The following ANGPT1 variants were observed in gnomAD, a reference collection of about 807,000 sequenced individuals.
ANGPT1 encodes the protein angiopoietin 1.
ANGPT1 carries 17 observed loss-of-function variants against 62.2 expected under a neutral mutation model. That is an observed-to-expected ratio of 0.27 (90% CI 0.19 to 0.41). The LOEUF (loss-of-function observed/expected upper bound fraction) is 0.41, where lower values mean the gene tolerates loss of function less well. ANGPT1 is among the 10% of genes least tolerant of loss of function. ANGPT1 has a pLI of 1.00. For synonymous variants in ANGPT1, 199 were observed against 198.9 expected, an observed-to-expected ratio of 1.00 and a Z score of 0.00; for missense variants, 478 against 594.9, an observed-to-expected ratio of 0.80 and a Z score of 2.04.
intron 4 of ANGPT1, among the ~76,000 whole-genome samples, chr8:107,312,053 G>C (rs1814881938): frequency 7.6e-6 from 1 of 130,800 alleles, no homozygotes; most frequent in Non-Finnish European, 1.5e-5. Flanking sequence ...GACAGAGCGA[G>C]ACTCCGTTTC....
chr8:107,307,965 GT>G (rs1364016757), intron 4 of ANGPT1, among the ~76,000 whole-genome samples: 3 of 151,994 alleles, frequency 2.0e-5, no homozygotes, highest in Non-Finnish European at 4.4e-5. Context: ...TCCTTCTCCA[GT>G]TTTTATCAGT....
intron 1 of ANGPT1, among the ~76,000 whole-genome samples, chr8:107,474,506 T>G (rs1289356526): frequency 1.3e-5 from 2 of 152,108 alleles, no homozygotes; most frequent in African/African-American, 2.4e-5. Context: ...CTGGAAGCAT[T>G]CCCTTTGAAA....
rs141422804 is a variant in ANGPT1, at chr8:107,354,385, T to A, written c.298-7288A>T. Among the ~76,000 whole-genome samples the A allele has an allele frequency of 6.6e-5, 10 of 152,308 alleles. No homozygotes were observed. The East Asian group carries it at 1.7e-3, about 26-fold the overall frequency. On this transcript the variant is annotated intron_variant, in intron 1 of 8. Coordinates refer to ENST00000517746, the MANE Select transcript of ANGPT1 (RefSeq NM_001146.5). Reference sequence around the variant, plus strand: ...TTTAATCCAGGTACTATCATTGATATACTCCATGAATTTGGAGAAATCACT... The same window carrying A: ...TTTAATCCAGGTACTATCATTGATAAACTCCATGAATTTGGAGAAATCACT...
At position 107,322,068 on chromosome 8, in the gene ANGPT1, T is replaced by A. The variant is rs775350942; in HGVS notation, c.636A>T (p.Leu212Phe). ...EGKHKEELDT[L>F]KEEKENLQGL... ...CTTGAAGGTTCTCTTTCTCTTCCTT[T>A]AAGGTGTCCAACTCTTCCTTGTGTT... Residue 212 changes from leucine (L) to phenylalanine (F), a missense_variant, in exon 4 of 9, where the codon TTA (leucine) becomes TTT (phenylalanine). Around this residue, in one of 4 missense-constraint regions of ANGPT1, gnomAD observed 343 missense variants for 355.4 expected, o/e 0.97. Transcript: ENST00000517746. 1 of 1,614,016 alleles carries A rather than the reference T, an allele frequency of 6.2e-7. No homozygotes were observed. The highest frequency in any genetic ancestry group is 8.5e-7 in the Non-Finnish European group (1 of 1,179,928).
At chr8:107,330,811 G>T (rs1193650442) in intron 3 of ANGPT1, among the ~76,000 whole-genome samples, 1 of 152,050 alleles carries the variant, frequency 6.6e-6, no homozygotes, top group African/African-American at 2.4e-5. Flanking sequence ...GAAGAATTAA[G>T]ATGAGCCTTA....
intron 4 of ANGPT1, among the ~76,000 whole-genome samples, chr8:107,319,274 G>C (rs779678623): frequency 1.3e-5 from 2 of 152,112 alleles, no homozygotes; most frequent in Non-Finnish European, 2.9e-5. Flanking sequence ...GACAGGGGAA[G>C]CTCATTAACA....
rs531490914 is a variant in ANGPT1, at chr8:107,313,877, C to A, written c.808+8019G>T. On this transcript the variant is annotated intron_variant, in intron 4 of 8. Transcript: ENST00000517746. ...TCCCCAGATTTTACCTTCTTTTTCT[C>A]CCTTCTTACAGTATAAAAAATTTCA... Among the ~76,000 whole-genome samples the A allele has an allele frequency of 3.2e-4, 48 of 152,258 alleles. No homozygotes were observed. The South Asian group carries it at 9.5e-3, about 30-fold the overall frequency.
intron 4 of ANGPT1, among the ~76,000 whole-genome samples, chr8:107,308,033 T>G (rs10088758): frequency 0.013 from 1,949 of 152,284 alleles, 48 homozygotes; most frequent in African/African-American, 0.044. Flanking sequence ...GTATGGCTTT[T>G]CCATTTGTCC....
chr8:107,257,006 G>A (rs892474648), intron 8 of ANGPT1, among the ~76,000 whole-genome samples: 15 of 152,010 alleles, frequency 9.9e-5, no homozygotes, highest in Middle Eastern at 3.2e-3. Flanking sequence ...ACAGGCATCC[G>A]CTACCACGCC....
At chr8:107,403,668 C>T (rs1162982075) in intron 1 of ANGPT1, among the ~76,000 whole-genome samples, 1 of 152,084 alleles carries the variant, frequency 6.6e-6, no homozygotes, top group African/African-American at 2.4e-5. Context: ...AGTTTCATTG[C>T]ATTTTTACAT....
intron 1 of ANGPT1, among the ~76,000 whole-genome samples, chr8:107,463,422 A>T (rs577554127): frequency 6.6e-6 from 1 of 152,256 alleles, no homozygotes; most frequent in East Asian, 1.9e-4. Flanking sequence ...GTTATAAGCT[A>T]CTAAATTCTG....
intron 4 of ANGPT1, among the ~76,000 whole-genome samples, chr8:107,321,210 A>G (rs1465837604): frequency 6.6e-6 from 1 of 152,030 alleles, no homozygotes; most frequent in Admixed American, 6.6e-5. Flanking sequence ...CTAAAGAAAT[A>G]CAGGGTTGTA....
chr8:107,303,703 C>T (rs1814649273), intron 4 of ANGPT1, among the ~76,000 whole-genome samples: 2 of 151,652 alleles, frequency 1.3e-5, no homozygotes, highest in South Asian at 4.1e-4. Context: ...GTAGCAATTA[C>T]GTCAAGTTTC....
intron 1 of ANGPT1, among the ~76,000 whole-genome samples, chr8:107,394,924 C>T (rs970127638): frequency 6.6e-6 from 1 of 151,934 alleles, no homozygotes; most frequent in Non-Finnish European, 1.5e-5. Flanking sequence ...CTTAAAAACC[C>T]TAAGGATAAT....
At chr8:107,385,638 A>C (rs1816717920) in intron 1 of ANGPT1, among the ~76,000 whole-genome samples, 1 of 151,604 alleles carries the variant, frequency 6.6e-6, no homozygotes, top group South Asian at 2.1e-4. Context: ...TCCTTGCCTG[A>C]TTGCTCTGGC....
intron 4 of ANGPT1, among the ~76,000 whole-genome samples, chr8:107,317,176 T>C (rs191549325): frequency 6.6e-6 from 1 of 152,346 alleles, no homozygotes; most frequent in Admixed American, 6.5e-5. Context: ...AAATAATTGT[T>C]TACTTTTTTC....
At chr8:107,386,160 A>G (rs1816728027) in intron 1 of ANGPT1, among the ~76,000 whole-genome samples, 1 of 152,094 alleles carries the variant, frequency 6.6e-6, no homozygotes, top group Non-Finnish European at 1.5e-5. Flanking sequence ...AGCAAACACT[A>G]CATGTTCTTA....
At chr8:107,340,709 G>T (rs1392552714) in intron 2 of ANGPT1, among the ~76,000 whole-genome samples, 1 of 151,384 alleles carries the variant, frequency 6.6e-6, no homozygotes, top group Non-Finnish European at 1.5e-5. Flanking sequence ...GCCCAGGCTG[G>T]TCTCAAACTC....
In ANGPT1 at chr8:107,338,089, C is replaced by T. The variant is rs185805446; in HGVS notation, c.454-1818G>A. Among the ~76,000 whole-genome samples the T allele has an allele frequency of 2.6e-5, 4 of 152,102 alleles. No homozygotes were observed. In the East Asian group the frequency reaches 7.7e-4, roughly 29 times the overall value. ...ACAGCCTGGGTGACAGAGTGAGACC[C>T]TATCTCAAAAAATAAAATAAAATAA... On this transcript the variant is annotated intron_variant, in intron 2 of 8. Transcript: ENST00000517746.
Sources: gnomAD v4.1 joint callset for allele counts (sites outside exome capture counted in the v4.1 genomes callset) on GRCh38, gnomAD v4.1.1 for gene constraint, gnomAD v4.1.1 regional missense constraint, MANE v1.5 for transcripts, NCBI Gene and HGNC (gene_info 2026-07-23, HGNC 2026-07-21) for gene names.